Variants in PTPRT observed in about 807,000 individuals in gnomAD.
PTPRT encodes the protein receptor-type tyrosine-protein phosphatase T.
Under a neutral mutation model 176.8 loss-of-function variants are expected in PTPRT, and 56 were observed. The observed-to-expected ratio is 0.32, with a 90% CI of 0.26 to 0.40. PTPRT has a LOEUF of 0.40. PTPRT is among the 10% of genes least tolerant of loss of function. The pLI is 1.00. For missense variants in PTPRT, 1,540 were observed against 1,908.2 expected (o/e 0.81, Z 3.60); for synonymous variants, 783 against 739.0 (o/e 1.06, Z -0.96).
intron 1 of PTPRT, among the ~76,000 whole-genome samples, chr20:43,186,638 G>T (rs914583687): frequency 1.3e-5 from 2 of 152,234 alleles, no homozygotes; most frequent in African/African-American, 4.8e-5. Flanking sequence ...TGAGTAGAAA[G>T]AGAGTCGGTT....
intron 12 of PTPRT, among the ~76,000 whole-genome samples, chr20:42,293,027 A>G (rs2057340393): frequency 6.6e-6 from 1 of 152,188 alleles, no homozygotes; most frequent in Non-Finnish European, 1.5e-5. Flanking sequence ...TTGGTTACAG[A>G]CACTTCTAAC....
chr20:42,184,607 T>TCC (rs1568652584), intron 16 of PTPRT, among the ~76,000 whole-genome samples: 13 of 129,172 alleles, frequency 1.0e-4, no homozygotes, highest in African/African-American at 3.9e-4. Flanking sequence ...CTTCTTCTTC[T>TCC]TCTTCTTCTC....
chr20:42,943,322 C>G (rs192713027), intron 1 of PTPRT, among the ~76,000 whole-genome samples: 1 of 152,210 alleles, frequency 6.6e-6, no homozygotes, highest in Non-Finnish European at 1.5e-5. Flanking sequence ...GTGACCCATC[C>G]GCTCTAAAGC....
At chr20:42,706,904 T>C (rs953884506) in intron 6 of PTPRT, among the ~76,000 whole-genome samples, 2 of 152,168 alleles carry the variant, frequency 1.3e-5, no homozygotes, top group African/African-American at 4.8e-5. Flanking sequence ...TGGAATAGGG[T>C]TGGCCTTAAT....
chr20:42,162,284 G>T (rs551845405), intron 16 of PTPRT, among the ~76,000 whole-genome samples: 2 of 152,122 alleles, frequency 1.3e-5, no homozygotes, highest in Non-Finnish European at 2.9e-5. Flanking sequence ...TACTTTCCCC[G>T]GGCCTGGATG....
intron 1 of PTPRT, among the ~76,000 whole-genome samples, chr20:42,922,016 A>G (rs1242530404): frequency 6.6e-6 from 1 of 151,918 alleles, no homozygotes; most frequent in Non-Finnish European, 1.5e-5. Flanking sequence ...GCTCACTGCA[A>G]CCTCTGCCTC....
At chr20:42,561,176 C>T (rs1257875856) in intron 7 of PTPRT, among the ~76,000 whole-genome samples, 3 of 152,194 alleles carry the variant, frequency 2.0e-5, no homozygotes, top group Non-Finnish European at 4.4e-5. Context: ...TAGAGATGAA[C>T]TGCTCTTGAT....
intron 15 of PTPRT, among the ~76,000 whole-genome samples, chr20:42,204,355 T>C (rs985607066): frequency 1.7e-4 from 26 of 152,166 alleles, no homozygotes; most frequent in Admixed American, 1.6e-3. Flanking sequence ...ATATAATTCA[T>C]GGAATTCTCA....
rs914276767 is a variant in PTPRT, at chr20:42,870,543, C to T, written c.214+15264G>A. 4.6e-5 allele frequency among the ~76,000 whole-genome samples: 7 copies of T among 152,266 alleles called. No individual in the cohort carries two copies. In the South Asian group the frequency reaches 8.3e-4, roughly 18 times the overall value. On this transcript the variant is annotated intron_variant, in intron 2 of 30. Coordinates refer to ENST00000373187, the MANE Select transcript of PTPRT (RefSeq NM_007050.6). ...GTCACGTGCAGCATAATGGTGTTTCCGTCAATGACGGACTGCACATATGAA... is the reference window on the plus strand; with the variant it reads ...GTCACGTGCAGCATAATGGTGTTTCTGTCAATGACGGACTGCACATATGAA...
At chr20:42,250,827 G>C (rs1213960735) in intron 13 of PTPRT, among the ~76,000 whole-genome samples, 1 of 152,186 alleles carries the variant, frequency 6.6e-6, no homozygotes, top group Non-Finnish European at 1.5e-5. Flanking sequence ...GTTCCTAGAA[G>C]GACTTCTGGA....
At chr20:42,843,682 C>T (rs2078318707) in intron 2 of PTPRT, among the ~76,000 whole-genome samples, 1 of 152,218 alleles carries the variant, frequency 6.6e-6, no homozygotes, top group Non-Finnish European at 1.5e-5. Flanking sequence ...GAACAGGGGC[C>T]ATGCCCATGG....
chr20:42,792,091 A>G (rs2077384587), intron 2 of PTPRT, among the ~76,000 whole-genome samples: 1 of 152,196 alleles, frequency 6.6e-6, no homozygotes, highest in Non-Finnish European at 1.5e-5. Context: ...ATGTGCCCCC[A>G]GTAGCTGCTG....
At chr20:42,917,047 C>T (rs1411925997) in intron 1 of PTPRT, among the ~76,000 whole-genome samples, 1 of 152,178 alleles carries the variant, frequency 6.6e-6, no homozygotes, top group African/African-American at 2.4e-5. Flanking sequence ...ATGCCTATAT[C>T]CTGAATGGTA....
rs6030515 is a variant in PTPRT at position 42,840,002 on chromosome 20, G to A, written c.214+45805C>T. ...TAGTATATTGGTTTCCTCAGCTGCC[G>A]TAACACAGTACCACAAACTGGGTGA... On this transcript the variant is annotated intron_variant, in intron 2 of 30. Coordinates refer to ENST00000373187, the MANE Select transcript of PTPRT (RefSeq NM_007050.6). Among the ~76,000 whole-genome samples, 791 of 152,252 alleles carry A rather than the reference G, an allele frequency of 5.2e-3. 5 individuals carry two copies. The highest frequency in any genetic ancestry group is 0.018 in the African/African-American group (742 of 41,538).
rs929114219 is a variant in PTPRT, at chr20:42,118,567, C to T, written c.2885-67G>A. Reference sequence around the variant, plus strand: ...AAAGCAGCAGCTGAGAAGGTTTGTCCCCCCGGTTGGTCAAGTCTCCACACT... The same window carrying T: ...AAAGCAGCAGCTGAGAAGGTTTGTCTCCCCGGTTGGTCAAGTCTCCACACT... On this transcript the variant is annotated intron_variant, in intron 20 of 30. Coordinates refer to ENST00000373187, the MANE Select transcript of PTPRT (RefSeq NM_007050.6). The T allele has an allele frequency of 2.5e-5, 36 of 1,433,854 alleles. No individual in the cohort carries two copies. The African/African-American group carries it at 4.8e-4, about 19-fold the overall frequency. 88.8% of individuals were successfully genotyped at this position (1,433,854 alleles called of 1,614,324 possible). A position where few individuals can be genotyped will look rare whatever the true frequency, so the allele number is the denominator to read the frequency against.
intron 16 of PTPRT, among the ~76,000 whole-genome samples, chr20:42,188,184 C>A (rs1990855185): frequency 6.6e-6 from 1 of 152,184 alleles, no homozygotes; most frequent in Non-Finnish European, 1.5e-5. Flanking sequence ...GGCATCATCA[C>A]CACCTACCTA....
At chr20:42,115,178 C>T (rs1278503931) in intron 22 of PTPRT, 21 bp downstream of exon 22, 1 of 1,577,090 alleles carries the variant, frequency 6.3e-7, no homozygotes, top group Non-Finnish European at 8.7e-7. Context: ...ACCGGCTGCC[C>T]ACAGCCTCCA....
intron 1 of PTPRT, among the ~76,000 whole-genome samples, chr20:43,009,383 G>A (rs1312244848): frequency 2.0e-5 from 3 of 152,124 alleles, no homozygotes; most frequent in Admixed American, 1.3e-4. Context: ...AGGCTACTGG[G>A]GTAAAGGCCT....
intron 1 of PTPRT, among the ~76,000 whole-genome samples, chr20:43,013,323 A>C (rs1490476023): frequency 6.6e-6 from 1 of 152,174 alleles, no homozygotes; most frequent in Non-Finnish European, 1.5e-5. Context: ...GAGAGCTTCA[A>C]AATGATTTCT....
Sources: gnomAD v4.1 joint callset for allele counts (sites outside exome capture counted in the v4.1 genomes callset) on GRCh38, gnomAD v4.1.1 for gene constraint, MANE v1.5 for transcripts, NCBI Gene and HGNC (gene_info 2026-07-23, HGNC 2026-07-21) for gene names.